UBE2E2: variants seen among roughly 807,000 people sequenced by gnomAD.
UBE2E2 encodes ubiquitin conjugating enzyme E2 E2.
In UBE2E2, 6 loss-of-function variants were observed where a neutral mutation model predicts 24.7. The observed-to-expected ratio is 0.24, with a 90% CI of 0.13 to 0.48. UBE2E2 has a LOEUF of 0.48. Ranked by LOEUF, UBE2E2 falls within the 20% of genes least tolerant of loss-of-function variation. UBE2E2 has a pLI of 0.99. For synonymous variants in UBE2E2, 104 were observed against 83.6 expected (o/e 1.24, Z -1.33); for missense variants, 169 against 245.0 (o/e 0.69, Z 2.07).
intron 3 of UBE2E2, among the ~76,000 whole-genome samples, chr3:23,222,069 T>C (rs1296034474): frequency 1.3e-5 from 2 of 152,162 alleles, no homozygotes; most frequent in East Asian, 1.9e-4. Flanking sequence ...TCTACATTTT[T>C]AGCTCTCATG....
At chr3:23,354,543 A>G (rs1037625522) in intron 3 of UBE2E2, among the ~76,000 whole-genome samples, 9 of 152,246 alleles carry the variant, frequency 5.9e-5, no homozygotes, top group Non-Finnish European at 7.3e-5. Flanking sequence ...CAAGAAAAAA[A>G]CAACCCCATC....
At chr3:23,353,892 A>ATTG (rs1386903200) in intron 3 of UBE2E2, among the ~76,000 whole-genome samples, 143 of 152,330 alleles carry the variant, frequency 9.4e-4, no homozygotes, top group African/African-American at 3.2e-3. Flanking sequence ...ACTACTTTAA[A>ATTG]GTTCATATGG....
chr3:23,327,978 C>G (rs1179104612), intron 3 of UBE2E2, among the ~76,000 whole-genome samples: 1 of 152,106 alleles, frequency 6.6e-6, no homozygotes, highest in Non-Finnish European at 1.5e-5. Flanking sequence ...ACAATAAGAA[C>G]TTATGTACTT....
At chr3:23,340,009 G>A (rs779292960) in intron 3 of UBE2E2, among the ~76,000 whole-genome samples, 20 of 152,054 alleles carry the variant, frequency 1.3e-4, no homozygotes, top group African/African-American at 4.8e-4. Flanking sequence ...GGATAATACT[G>A]TGAATTTTCA....
At chr3:23,413,344 T>C (rs1470603816) in intron 3 of UBE2E2, among the ~76,000 whole-genome samples, 4 of 152,174 alleles carry the variant, frequency 2.6e-5, no homozygotes, top group Non-Finnish European at 5.9e-5. Context: ...AGAGCTAATA[T>C]ACTTTGACCT....
intron 5 of UBE2E2, among the ~76,000 whole-genome samples, chr3:23,588,015 C>T (rs1696665467): frequency 6.6e-6 from 1 of 152,180 alleles, no homozygotes; most frequent in Admixed American, 6.5e-5. Context: ...CTTTCAAAGG[C>T]TTTGTTATCA....
chr3:23,226,063 A>G (rs905465465), intron 3 of UBE2E2, among the ~76,000 whole-genome samples: 3 of 152,130 alleles, frequency 2.0e-5, no homozygotes, highest in African/African-American at 4.8e-5. Flanking sequence ...TACTTTTAGT[A>G]GAGACGGGTT....
At chr3:23,559,258 A>C (rs902808172) in intron 5 of UBE2E2, among the ~76,000 whole-genome samples, 1 of 152,270 alleles carries the variant, frequency 6.6e-6, no homozygotes, top group East Asian at 1.9e-4. Context: ...ATGGAATTCA[A>C]GTGCATTTGA....
intron 5 of UBE2E2, among the ~76,000 whole-genome samples, chr3:23,549,548 G>A (rs761793706): frequency 6.6e-5 from 10 of 152,088 alleles, no homozygotes; most frequent in Non-Finnish European, 1.0e-4. Context: ...TGGATAAATC[G>A]GTGCCCTCAT....
chr3:23,586,721 C>T (rs1407612586), intron 5 of UBE2E2, among the ~76,000 whole-genome samples: 4 of 152,066 alleles, frequency 2.6e-5, no homozygotes, highest in Non-Finnish European at 5.9e-5. Flanking sequence ...GTCCTCACAT[C>T]GTTGTTTTTA....
chr3:23,394,343 A>C (rs577561993), intron 3 of UBE2E2, among the ~76,000 whole-genome samples: 1 of 152,316 alleles, frequency 6.6e-6, no homozygotes, highest in East Asian at 1.9e-4. Context: ...AATATTGTAT[A>C]TTTTTACGAA....
intron 4 of UBE2E2, among the ~76,000 whole-genome samples, chr3:23,501,457 A>G (rs981175333): frequency 6.6e-6 from 1 of 152,210 alleles, no homozygotes; most frequent in Non-Finnish European, 1.5e-5. Context: ...AGAGGAGGAA[A>G]CATAGATGAG....
chr3:23,386,758 T>A (rs1696813235), intron 3 of UBE2E2, among the ~76,000 whole-genome samples: 1 of 152,218 alleles, frequency 6.6e-6, no homozygotes, highest in African/African-American at 2.4e-5. Context: ...TTTTATATAC[T>A]CAGAGTAGGG....
At chr3:23,560,337 A>G (rs1381402102) in intron 5 of UBE2E2, among the ~76,000 whole-genome samples, 3 of 151,288 alleles carry the variant, frequency 2.0e-5, no homozygotes, top group Non-Finnish European at 4.4e-5. Flanking sequence ...TGTCCTTGCA[A>G]TAGTTTGCTC....
rs555053024 is a variant in UBE2E2 at position 23,292,729 on chromosome 3, C to T, written c.227+75417C>T. Among the ~76,000 whole-genome samples the T allele has an allele frequency of 2.0e-5, 3 of 152,308 alleles. 1 individual carries two copies. The highest frequency in any genetic ancestry group is 7.2e-5 in the African/African-American group (3 of 41,562). ...TAATGCCTGTGTGGCCATTACATAT[C>T]TTTTACAAGGTTATGTAACCTGTTT... On this transcript the variant is annotated intron_variant, in intron 3 of 5. Coordinates refer to ENST00000396703, the MANE Select transcript of UBE2E2 (RefSeq NM_152653.4).
At chr3:23,308,427 A>G (rs942510012) in intron 3 of UBE2E2, among the ~76,000 whole-genome samples, 2 of 152,242 alleles carry the variant, frequency 1.3e-5, no homozygotes, top group Admixed American at 6.5e-5. Flanking sequence ...AATTAACAAT[A>G]AAATTCAAGA....
chr3:23,398,529 C>T (rs1342835592), intron 3 of UBE2E2, among the ~76,000 whole-genome samples: 1 of 152,092 alleles, frequency 6.6e-6, no homozygotes, highest in Non-Finnish European at 1.5e-5. Flanking sequence ...AGTTAGAAGA[C>T]AGATGTTTTC....
At chr3:23,244,920 T>C (rs1470322068) in intron 3 of UBE2E2, among the ~76,000 whole-genome samples, 2 of 152,172 alleles carry the variant, frequency 1.3e-5, no homozygotes, top group African/African-American at 4.8e-5. Context: ...CAATGATTTA[T>C]TTAATTATAG....
intron 3 of UBE2E2, among the ~76,000 whole-genome samples, chr3:23,264,616 T>A (rs1179112135): frequency 2.0e-5 from 3 of 152,142 alleles, no homozygotes; most frequent in African/African-American, 7.2e-5. Context: ...CTGTGAGAGA[T>A]CATGATGATG....
Sources: allele counts gnomAD v4.1 joint callset (sites outside exome capture counted in the v4.1 genomes callset), GRCh38; gene constraint gnomAD v4.1.1; transcripts MANE v1.5; gene names NCBI Gene and HGNC (gene_info 2026-07-23, HGNC 2026-07-21).